CACNA2D1: variants seen among roughly 807,000 people sequenced by gnomAD.
The protein encoded by CACNA2D1 is voltage-dependent calcium channel subunit alpha-2/delta-1.
CACNA2D1 carries 53 observed loss-of-function variants against 171.5 expected under a neutral mutation model. That is an observed-to-expected ratio of 0.31 (90% CI 0.25 to 0.39). The LOEUF (loss-of-function observed/expected upper bound fraction) is 0.39, where lower values mean the gene tolerates loss of function less well. Among genes scored for constraint, CACNA2D1 ranks in the 10% least tolerant of loss-of-function variants. The pLI is 1.00. For missense variants in CACNA2D1, 903 were observed against 1,299.8 expected, an observed-to-expected ratio of 0.69 and a Z score of 4.69; for synonymous variants, 442 against 443.1, an observed-to-expected ratio of 1.00 and a Z score of 0.03.
intron 3 of CACNA2D1, among the ~76,000 whole-genome samples, chr7:82,269,230 C>G (rs1268065686): frequency 6.6e-6 from 1 of 152,072 alleles, no homozygotes; most frequent in African/African-American, 2.4e-5. Context: ...GATTTTGAAC[C>G]CCTCTGACTC....
intron 1 of CACNA2D1, among the ~76,000 whole-genome samples, chr7:82,376,442 G>A (rs181829876): frequency 9.8e-4 from 149 of 152,282 alleles, no homozygotes; most frequent in Admixed American, 6.2e-3. Context: ...AAACAACCAT[G>A]AGATAAAATA....
At chr7:82,156,604 G>C (rs954260588) in intron 4 of CACNA2D1, among the ~76,000 whole-genome samples, 1 of 151,200 alleles carries the variant, frequency 6.6e-6, no homozygotes, top group African/African-American at 2.4e-5. Flanking sequence ...ATATAAATAA[G>C]AACTATAATT....
chr7:82,300,363 G>C (rs974613947), intron 3 of CACNA2D1, among the ~76,000 whole-genome samples: 3 of 151,918 alleles, frequency 2.0e-5, no homozygotes, highest in African/African-American at 7.3e-5. Context: ...TAGGATTACA[G>C]ATACCATTTT....
chr7:82,427,858 T>G (rs1829326001), intron 1 of CACNA2D1, among the ~76,000 whole-genome samples: 1 of 152,204 alleles, frequency 6.6e-6, no homozygotes, highest in South Asian at 2.1e-4. Context: ...AATGAATATC[T>G]GTCCTCTGTT....
intron 3 of CACNA2D1, among the ~76,000 whole-genome samples, chr7:82,206,391 T>C (rs1233126445): frequency 6.6e-6 from 1 of 152,090 alleles, no homozygotes; most frequent in Non-Finnish European, 1.5e-5. Context: ...AAATCAAACA[T>C]TTATTATACA....
Position 82,318,213 on chromosome 7 carries a change from G to T in CACNA2D1, c.294+16922C>A, listed in dbSNP as rs183204644. Among the ~76,000 whole-genome samples, 4 of 152,226 alleles carry T rather than the reference G, an allele frequency of 2.6e-5. No individual in the cohort carries two copies. The East Asian group carries it at 7.7e-4, about 29-fold the overall frequency. ...ACCAGAATGATTTTTTTGAAAGCTT[G>T]CTAGTCTCATTGCTAATTAAAAAAG... On this transcript the variant is annotated intron_variant, in intron 3 of 38. Transcript: ENST00000356860.
intron 3 of CACNA2D1, among the ~76,000 whole-genome samples, chr7:82,230,784 T>G (rs998021987): frequency 2.6e-5 from 4 of 152,212 alleles, no homozygotes; most frequent in Non-Finnish European, 5.9e-5. Flanking sequence ...ACTGGAAATA[T>G]ACATATCTCT....
At chr7:82,049,742 C>T (rs892879569) in intron 10 of CACNA2D1, among the ~76,000 whole-genome samples, 1 of 152,186 alleles carries the variant, frequency 6.6e-6, no homozygotes, top group African/African-American at 2.4e-5. Context: ...TGCTTGGCTA[C>T]AGGCCCCACT....
chr7:82,022,341 C>A (rs376280119), intron 12 of CACNA2D1, among the ~76,000 whole-genome samples: 1 of 151,702 alleles, frequency 6.6e-6, no homozygotes, highest in East Asian at 1.9e-4. Flanking sequence ...CACAGTAACT[C>A]CAGAATAAAT....
In CACNA2D1 at chr7:82,011,029, T is replaced by C. The variant is rs187460291; in HGVS notation, c.1362+1125A>G. Reference sequence around the variant, plus strand: ...GTGCGATGATTATTATTTATAACTTTCATGTCAGGAAAGTAAAAATTACAT... The same window carrying C: ...GTGCGATGATTATTATTTATAACTTCCATGTCAGGAAAGTAAAAATTACAT... On this transcript the variant is annotated intron_variant, in intron 15 of 38. Transcript: ENST00000356860. Among the ~76,000 whole-genome samples the C allele has an allele frequency of 2.0e-5, 3 of 152,342 alleles. No homozygotes were observed. In the East Asian group the frequency reaches 5.8e-4, roughly 29 times the overall value.
chr7:82,322,451 CAA>C (rs11440104), intron 3 of CACNA2D1, among the ~76,000 whole-genome samples: 4,892 of 103,834 alleles, frequency 0.047, 67 homozygotes, highest in Middle Eastern at 0.086. Flanking sequence ...CCTGGCTTTA[CAA>C]AAAAAAAAAA....
intron 16 of CACNA2D1, among the ~76,000 whole-genome samples, chr7:82,007,358 A>G (rs771342123): frequency 2.4e-4 from 37 of 152,158 alleles, no homozygotes; most frequent in Non-Finnish European, 2.4e-4. Context: ...CTCCATTAAT[A>G]GCTCAGATGG....
chr7:82,302,600 A>G (rs993788066), intron 3 of CACNA2D1, among the ~76,000 whole-genome samples: 1 of 151,936 alleles, frequency 6.6e-6, no homozygotes, highest in Non-Finnish European at 1.5e-5. Context: ...TTTAGTAGAG[A>G]TAGGGTTCCT....
At chr7:82,065,096 AG>A (rs1201911770) in intron 8 of CACNA2D1, among the ~76,000 whole-genome samples, 25 of 142,934 alleles carry the variant, frequency 1.7e-4, no homozygotes, top group Non-Finnish European at 3.0e-5. Flanking sequence ...TCCGACAGGA[AG>A]GGCTGCACCT....
At chr7:82,344,516 TA>T (rs1379515249) in intron 2 of CACNA2D1, among the ~76,000 whole-genome samples, 5 of 152,200 alleles carry the variant, frequency 3.3e-5, no homozygotes, top group Admixed American at 2.0e-4. Flanking sequence ...AAAGTCACCC[TA>T]AAATTAGAAA....
chr7:82,394,257 T>C (rs1470158144), intron 1 of CACNA2D1, among the ~76,000 whole-genome samples: 1 of 151,670 alleles, frequency 6.6e-6, no homozygotes, highest in Non-Finnish European at 1.5e-5. Context: ...TTCTTCTTTA[T>C]AAATCTTATA....
intron 1 of CACNA2D1, among the ~76,000 whole-genome samples, chr7:82,431,688 C>G (rs73704292): frequency 6.6e-6 from 1 of 152,010 alleles, no homozygotes; most frequent in Admixed American, 6.6e-5. Context: ...CCCGCATTTA[C>G]AAAACAAAGA....
intron 8 of CACNA2D1, among the ~76,000 whole-genome samples, chr7:82,065,383 C>G (rs1254070692): frequency 2.0e-5 from 3 of 152,140 alleles, no homozygotes; most frequent in African/African-American, 7.2e-5. Flanking sequence ...TAAGAGAAGA[C>G]AGGACATGTC....
At chr7:82,043,677 T>G (rs755856512) in intron 10 of CACNA2D1, among the ~76,000 whole-genome samples, 1 of 152,206 alleles carries the variant, frequency 6.6e-6, no homozygotes, top group Non-Finnish European at 1.5e-5. Flanking sequence ...GCAGTCTCTA[T>G]TTTTGCTCTA....
Sources: allele counts gnomAD v4.1 joint callset (sites outside exome capture counted in the v4.1 genomes callset), GRCh38; gene constraint gnomAD v4.1.1; transcripts MANE v1.5; gene names NCBI Gene and HGNC (gene_info 2026-07-23, HGNC 2026-07-21).